EFHB: variants seen among roughly 807,000 people sequenced by gnomAD.
EFHB encodes the protein EF-hand domain-containing family member B.
In EFHB, 91 loss-of-function variants were observed where a neutral mutation model predicts 87.2. That is an observed-to-expected ratio of 1.04 (90% confidence interval 0.88 to 1.24). The LOEUF is 1.24. Among genes scored for constraint, EFHB ranks in the 50% most tolerant of loss-of-function variants. The pLI is 0.00. For synonymous variants in EFHB, 325 were observed against 333.6 expected, an observed-to-expected ratio of 0.97 and a Z score of 0.28; for missense variants, 1,084 against 998.8, an observed-to-expected ratio of 1.09 and a Z score of -1.15.
rs1237209633 is a variant in EFHB at position 19,933,726 on chromosome 3, T to C, written c.293A>G (p.Gln98Arg). ...SLGVDSVSAS[Q>R]GTKPSLLPGR... ...TGGCAACAGAGAAGGTTTTGTTCCC[T>C]GTGAAGCTGAGACACTGTCGACTCC... Residue 98 changes from glutamine to arginine, a missense_variant, in exon 1 of 13, where the codon CAG becomes CGG. Transcript: ENST00000295824. 1.9e-6 allele frequency: 3 copies of C among 1,613,848 alleles called. No individual in the cohort carries two copies. Among genetic ancestry groups the C allele is most frequent in the East Asian group, 2.2e-5 (1 of 44,884 alleles).
rs2931403 is a variant in EFHB at position 19,919,838 on chromosome 3, C to T, written c.991G>A (p.Val331Ile). The change falls in exon 3 of 13, where the codon GTA becomes ATA. Residue 331 changes from valine (V) to isoleucine (I), a missense_variant. By Grantham distance (29) the Val-to-Ile change is conservative (BLOSUM62 3). Transcript: ENST00000295824. ...LTHGIRSKIS[V>I]LANTLINPQP... ...AAAAAAAGAAAATAACTTACCAGTA[C>T]TGAAATTTTAGATCTAATTCCATGT... The T allele has an allele frequency of 0.76, 1,227,074 of 1,610,536 alleles. 476,181 individuals are homozygous for T. Among genetic ancestry groups the T allele is most frequent in the African/African-American group, 0.88 (65,844 of 74,870 alleles).
chr3:19,928,262 A>C (rs907661965), intron 1 of EFHB, among the ~76,000 whole-genome samples: 7 of 152,198 alleles, frequency 4.6e-5, no homozygotes, highest in African/African-American at 1.7e-4. Context: ...TTCAGAAAAA[A>C]TATATATTTC....
At chr3:19,894,531 G>A (rs1694408300) in intron 9 of EFHB, 1 of 152,038 alleles carries the variant, frequency 6.6e-6, no homozygotes, top group South Asian at 2.1e-4. Flanking sequence ...TTGTGTTTGT[G>A]TTTTGTTTTT....
At chr3:19,906,344 T>C (rs1694843260) in intron 5 of EFHB, among the ~76,000 whole-genome samples, 1 of 151,982 alleles carries the variant, frequency 6.6e-6, no homozygotes, top group African/African-American at 2.4e-5. Flanking sequence ...ACAAAAGAAC[T>C]AATAAGTGAA....
At chr3:19,928,591 C>A (rs920915731) in intron 1 of EFHB, among the ~76,000 whole-genome samples, 18 of 152,234 alleles carry the variant, frequency 1.2e-4, no homozygotes, top group Admixed American at 3.3e-4. Flanking sequence ...ATTACAGGTG[C>A]CTGCCACCAC....
At chr3:19,905,543 A>C (rs1264018165) in intron 6 of EFHB, 77 bp downstream of exon 6, 4 of 1,473,192 alleles carry the variant, frequency 2.7e-6, no homozygotes, top group African/African-American at 1.4e-5. Context: ...TCTTCAAAAA[A>C]TAAAGTTTAA....
chr3:19,935,971 C>G (rs564781861), upstream of EFHB, among the ~76,000 whole-genome samples: 1 of 143,648 alleles, frequency 7.0e-6, no homozygotes, highest in South Asian at 2.2e-4. Context: ...GATCACACCA[C>G]TGCACTCCAG....
At chr3:19,930,766 C>A (rs1465231963) in intron 1 of EFHB, among the ~76,000 whole-genome samples, 1 of 152,132 alleles carries the variant, frequency 6.6e-6, no homozygotes, top group Non-Finnish European at 1.5e-5. Context: ...CCACACCTGG[C>A]TAATTTTTCT....
intron 5 of EFHB, among the ~76,000 whole-genome samples, chr3:19,912,849 T>C (rs1297085298): frequency 6.6e-6 from 1 of 152,170 alleles, no homozygotes; most frequent in Non-Finnish European, 1.5e-5. Flanking sequence ...ATGGGATTTA[T>C]CTCTGGGACC....
chr3:19,919,913 T>C lies in EFHB; in HGVS notation c.916A>G (p.Arg306Gly), dbSNP rs1419884199. The change falls in exon 3 of 13, where the codon AGA becomes GGA. Residue 306 changes from arginine to glycine, a missense_variant. Transcript: ENST00000295824. ...NFRYPPAGVE[R>G]VFYGRANDPQ... ...TCATTTGCTCTTCCGTAAAATACTCTTTCTACTCCAGCAGGTGGATATCTG... is the reference window on the plus strand; with the variant it reads ...TCATTTGCTCTTCCGTAAAATACTCCTTCTACTCCAGCAGGTGGATATCTG... The C allele has an allele frequency of 1.2e-6, 2 of 1,613,742 alleles. No individual in the cohort carries two copies. Among genetic ancestry groups the C allele is most frequent in the Non-Finnish European group, 1.7e-6 (2 of 1,179,808 alleles).
chr3:19,935,692 C>G (rs1257934127), upstream of EFHB, among the ~76,000 whole-genome samples: 1 of 151,738 alleles, frequency 6.6e-6, no homozygotes, highest in East Asian at 1.9e-4. Context: ...GCCTGAACAA[C>G]AGAGTGAGAT....
rs138470547 is a variant in EFHB, at chr3:19,920,546, C to A, written c.811G>T (p.Gly271Cys). 2.1e-5 allele frequency: 34 copies of A among 1,601,754 alleles called. 1 individual carries two copies. The African/African-American group carries it at 2.6e-4, about 12-fold the overall frequency. Residue 271 changes from glycine (G) to cysteine (C), a missense_variant, in exon 2 of 13, where the codon GGT becomes TGT. Gly to Cys is a radical substitution (Grantham distance 159). Coordinates refer to ENST00000295824, the MANE Select transcript of EFHB (RefSeq NM_144715.4). ...GTCAAGCAGGTTGCAACTCTGTAAC[C>A]AACTGGAATAACTTTTCCTGCCTTT... Reference protein sequence around the residue: ...WPSAGKVIPVGYRVATCLTEK... With the variant: ...WPSAGKVIPVCYRVATCLTEK...
intron 5 of EFHB, among the ~76,000 whole-genome samples, chr3:19,911,282 C>A (rs2125142653): frequency 6.6e-6 from 1 of 152,152 alleles, no homozygotes; most frequent in South Asian, 2.1e-4. Flanking sequence ...CAAGCAAAGG[C>A]CAGGCGTGGT....
chr3:19,924,338 C>T (rs959695197), intron 1 of EFHB, among the ~76,000 whole-genome samples: 1 of 151,698 alleles, frequency 6.6e-6, no homozygotes, highest in African/African-American at 2.4e-5. Flanking sequence ...CTCAGCCTCC[C>T]GAGTAGCTGG....
chr3:19,886,989 T>C (rs570346423), intron 10 of EFHB, among the ~76,000 whole-genome samples: 6 of 152,338 alleles, frequency 3.9e-5, no homozygotes, highest in East Asian at 3.9e-4. Flanking sequence ...CTAAATTTCA[T>C]AGAGTGAAGA....
Position 19,933,284 on chromosome 3 carries a change from G to C in EFHB, c.735C>G (p.Arg245=). 1 of 1,613,992 alleles carries C rather than the reference G, an allele frequency of 6.2e-7. No homozygotes were observed. The highest frequency in any genetic ancestry group is 8.5e-7 in the Non-Finnish European group (1 of 1,179,886). The change falls in exon 1 of 13, where the codon CGC becomes CGG. Residue 245 remains arginine, a synonymous_variant. Transcript: ENST00000295824. The stretch of plus-strand genomic sequence containing the variant: ...ACTTCCCAGAGTATATGGGTCTGAT[G>C]CGATCTGGAGGTTCCACTCCTGATT... ...NIESGVEPPD[R]IRPIYSGKFF... is the part of the protein sequence containing the mutation.
intron 1 of EFHB, among the ~76,000 whole-genome samples, chr3:19,932,555 G>T (rs1289796144): frequency 6.6e-6 from 1 of 152,108 alleles, no homozygotes; most frequent in Admixed American, 6.5e-5. Context: ...GACAAATACT[G>T]ACACCTTTCG....
rs1317747814 is a variant in EFHB at position 19,888,444 on chromosome 3, C to G, written c.1933G>C (p.Gly645Arg). ...KEYEERVIIK[G>R]RKPDCVNPTE... ...CATCAAACCTTCAAAAATTAAATAC[C>G]TTTAATAATGACCCTCTCTTCATAC... The change falls in exon 10 of 13, where the codon GGT becomes CGT. Residue 645 changes from glycine to arginine, a missense_variant and splice_region_variant. Transcript: ENST00000295824. The G allele has an allele frequency of 2.0e-6, 3 of 1,467,892 alleles. No individual in the cohort carries two copies. The highest frequency in any genetic ancestry group is 4.1e-5 in the Admixed American group (2 of 48,264). The allele number at this position is 1,467,892 out of a possible 1,614,324, so 90.9% of individuals were successfully genotyped here.
intron 10 of EFHB, among the ~76,000 whole-genome samples, chr3:19,885,623 G>A: frequency 6.6e-6 from 1 of 152,200 alleles, no homozygotes. Flanking sequence ...TAAAGGTTCT[G>A]GGGGAGCCCA....
Sources: allele counts gnomAD v4.1 joint callset (sites outside exome capture counted in the v4.1 genomes callset), GRCh38; gene constraint gnomAD v4.1.1; transcripts MANE v1.5; gene names NCBI Gene and HGNC (gene_info 2026-07-23, HGNC 2026-07-21).